The following AGMO variants were observed in gnomAD, a reference collection of about 807,000 sequenced individuals.
AGMO encodes the protein glyceryl-ether monooxygenase.
In AGMO, 75 loss-of-function variants were observed where a neutral mutation model predicts 60.2. The observed-to-expected ratio is 1.25, with a 90% CI of 1.03 to 1.51. The LOEUF (loss-of-function observed/expected upper bound fraction) is 1.51. AGMO is among the 40% of genes most tolerant of loss of function. AGMO has a pLI of 0.00. For synonymous variants in AGMO, 261 were observed against 177.1 expected, an observed-to-expected ratio of 1.47 and a Z score of -3.76; for missense variants, 763 against 525.5, an observed-to-expected ratio of 1.45 and a Z score of -4.42.
At chr7:15,499,019 T>C (rs1379956576) in intron 3 of AGMO, among the ~76,000 whole-genome samples, 1 of 151,850 alleles carries the variant, frequency 6.6e-6, no homozygotes, top group Non-Finnish European at 1.5e-5. Context: ...ATGCATAGAG[T>C]TACAGAATTC....
At chr7:15,288,087 A>T (rs1352188125) in intron 12 of AGMO, among the ~76,000 whole-genome samples, 2 of 151,848 alleles carry the variant, frequency 1.3e-5, no homozygotes, top group African/African-American at 4.8e-5. Context: ...GCATTGGCAC[A>T]GTCTCGGCTC....
At chr7:15,247,414 T>TCACACACACA (rs71525649) in intron 12 of AGMO, among the ~76,000 whole-genome samples, 9 of 123,744 alleles carry the variant, frequency 7.3e-5, no homozygotes, top group Admixed American at 1.7e-4. Flanking sequence ...CTTGGAGATT[T>TCACACACACA]CACACACACA....
intron 12 of AGMO, among the ~76,000 whole-genome samples, chr7:15,214,190 T>C (rs1278654347): frequency 1.3e-5 from 2 of 151,948 alleles, no homozygotes; most frequent in Non-Finnish European, 2.9e-5. Context: ...CACGGGGAAT[T>C]TGTAACCAAT....
intron 12 of AGMO, among the ~76,000 whole-genome samples, chr7:15,273,160 T>G (rs1783668015): frequency 6.6e-6 from 1 of 152,332 alleles, no homozygotes; most frequent in East Asian, 1.9e-4. Context: ...TTTTGGCTTT[T>G]CTTGCCATTG....
intron 12 of AGMO, among the ~76,000 whole-genome samples, chr7:15,231,352 C>G (rs1359763515): frequency 1.3e-5 from 2 of 152,142 alleles, no homozygotes; most frequent in Non-Finnish European, 2.9e-5. Context: ...CTATACTTAT[C>G]TCTCACTTCC....
At chr7:15,242,889 A>T (rs1000820366) in intron 12 of AGMO, among the ~76,000 whole-genome samples, 3 of 152,154 alleles carry the variant, frequency 2.0e-5, no homozygotes, top group African/African-American at 7.2e-5. Context: ...CATTAAGTGT[A>T]TATAATGATG....
intron 3 of AGMO, among the ~76,000 whole-genome samples, chr7:15,502,919 A>G (rs1183283729): frequency 6.6e-6 from 1 of 152,000 alleles, no homozygotes; most frequent in African/African-American, 2.4e-5. Context: ...TGCTAGTAAT[A>G]TAGACTCAAA....
At chr7:15,380,151 A>T (rs546274478) in intron 10 of AGMO, among the ~76,000 whole-genome samples, 12 of 152,228 alleles carry the variant, frequency 7.9e-5, no homozygotes, top group Admixed American at 4.6e-4. Flanking sequence ...TAGTATTTTA[A>T]GTTCTGGGCA....
At chr7:15,313,410 A>G (rs1364309393) in intron 12 of AGMO, among the ~76,000 whole-genome samples, 3 of 152,194 alleles carry the variant, frequency 2.0e-5, no homozygotes, top group African/African-American at 4.8e-5. Flanking sequence ...TTCTAAAACT[A>G]CTAAGTACTT....
chr7:15,397,689 G>T (rs1287655527), intron 5 of AGMO, among the ~76,000 whole-genome samples: 2 of 152,006 alleles, frequency 1.3e-5, no homozygotes, highest in East Asian at 1.9e-4. Context: ...TTATTTCCAT[G>T]AGAGATATAT....
chr7:15,131,320 C>T, the AGMO span, among the ~76,000 whole-genome samples: 4 of 152,096 alleles, frequency 2.6e-5, no homozygotes, highest in Admixed American at 6.6e-5. Context: ...GGATGTAATG[C>T]TAGTCATCCC....
At chr7:15,273,387 C>T (rs1360754970) in intron 12 of AGMO, among the ~76,000 whole-genome samples, 1 of 152,114 alleles carries the variant, frequency 6.6e-6, no homozygotes, top group African/African-American at 2.4e-5. Context: ...AATAGAGAAT[C>T]CTTTCCTCAT....
chr7:15,446,359 C>T (rs1414262995), intron 3 of AGMO, among the ~76,000 whole-genome samples: 3 of 152,206 alleles, frequency 2.0e-5, no homozygotes, highest in Non-Finnish European at 4.4e-5. Context: ...TAAATAGATG[C>T]AATTATATAA....
chr7:15,233,776 G>A (rs1782329673), intron 12 of AGMO, among the ~76,000 whole-genome samples: 1 of 152,196 alleles, frequency 6.6e-6, no homozygotes, highest in Non-Finnish European at 1.5e-5. Context: ...ATTAGGCCAG[G>A]TGCAGTGGCT....
Position 15,344,302 on chromosome 7 carries a change from A to T in AGMO, c.1263+21212T>A, listed in dbSNP as rs932778192. On this transcript the variant is annotated intron_variant, in intron 12 of 12. Transcript: ENST00000342526. ...GTCTTTTCTCCAAAAAGCTAAAGCA[A>T]CACTTACTGAGGTGCCAACGCAGCT... Among the ~76,000 whole-genome samples, 8 of 152,362 alleles carry T rather than the reference A, an allele frequency of 5.3e-5. No homozygotes were observed. In the East Asian group the frequency reaches 1.5e-3, roughly 29 times the overall value.
At chr7:15,418,847 G>C (rs1444801124) in intron 4 of AGMO, among the ~76,000 whole-genome samples, 194 bp from the exon 5 acceptor site, 1 of 151,666 alleles carries the variant, frequency 6.6e-6, no homozygotes, top group South Asian at 2.1e-4. Flanking sequence ...TTGGAGCTAA[G>C]GCCACTGGAC....
chr7:15,179,593 T>C, the AGMO span, among the ~76,000 whole-genome samples: 2 of 152,114 alleles, frequency 1.3e-5, no homozygotes, highest in African/African-American at 2.4e-5. Context: ...TGGGCTCAGC[T>C]CACAATTTCT....
the AGMO span, among the ~76,000 whole-genome samples, chr7:15,191,935 A>G: frequency 6.7e-6 from 1 of 148,860 alleles, no homozygotes; most frequent in African/African-American, 2.5e-5. Flanking sequence ...CATTGATCGA[A>G]TAAAATCTCT....
At chr7:15,452,195 A>G (rs1265102021) in intron 3 of AGMO, among the ~76,000 whole-genome samples, 1 of 152,154 alleles carries the variant, frequency 6.6e-6, no homozygotes, top group East Asian at 1.9e-4. Context: ...TCTCTTGGAT[A>G]TGATACCAGA....
Sources: gnomAD v4.1 joint callset for allele counts (sites outside exome capture counted in the v4.1 genomes callset) on GRCh38, gnomAD v4.1.1 for gene constraint, MANE v1.5 for transcripts, NCBI Gene and HGNC (gene_info 2026-07-23, HGNC 2026-07-21) for gene names.